Variants in SEMA3D observed in about 807,000 individuals in gnomAD.
The protein encoded by SEMA3D is semaphorin-3D.
A neutral mutation model predicts 100.1 loss-of-function variants in SEMA3D; 84 were observed. The observed-to-expected ratio is 0.84, with a 90% CI of 0.70 to 1.01. The LOEUF is 1.01. Ranked by LOEUF, SEMA3D falls within the 50% of genes least tolerant of loss-of-function variation. SEMA3D has a pLI of 0.00. For synonymous variants in SEMA3D, 312 were observed against 320.7 expected (o/e 0.97, Z 0.29); for missense variants, 875 against 934.1 (o/e 0.94, Z 0.82).
chr7:85,174,551 T>C (rs968119504), intron 1 of SEMA3D, among the ~76,000 whole-genome samples: 1 of 152,152 alleles, frequency 6.6e-6, no homozygotes, highest in Non-Finnish European at 1.5e-5. Context: ...GACTTGGCAA[T>C]ATGCTATAAG....
At chr7:85,125,892 G>A (rs1424865061) in intron 2 of SEMA3D, among the ~76,000 whole-genome samples, 1 of 151,858 alleles carries the variant, frequency 6.6e-6, no homozygotes, top group Non-Finnish European at 1.5e-5. Flanking sequence ...TGGATTTAGT[G>A]AAATGCATAG....
chr7:85,042,865 T>TG (rs1448622493), intron 9 of SEMA3D, among the ~76,000 whole-genome samples: 1 of 151,918 alleles, frequency 6.6e-6, no homozygotes, highest in Non-Finnish European at 1.5e-5. Flanking sequence ...GATGAGTAAA[T>TG]GGGGAAAAAA....
At chr7:85,185,826 C>G (rs778880418) in intron 1 of SEMA3D, among the ~76,000 whole-genome samples, 2 of 152,196 alleles carry the variant, frequency 1.3e-5, no homozygotes, top group East Asian at 1.9e-4. Flanking sequence ...ACTCCAGGCT[C>G]GTTGGGCAGA....
chr7:85,212,362 T>C, the SEMA3D span, among the ~76,000 whole-genome samples: 1 of 152,176 alleles, frequency 6.6e-6, no homozygotes. Flanking sequence ...ACATGCCATA[T>C]TTTAGAGTAA....
At chr7:85,223,459 C>CA in the SEMA3D span, among the ~76,000 whole-genome samples, 1 of 151,044 alleles carries the variant, frequency 6.6e-6, no homozygotes, top group South Asian at 2.1e-4. Flanking sequence ...TTTGCTATTG[C>CA]AAAAATATGG....
the SEMA3D span, among the ~76,000 whole-genome samples, chr7:85,225,919 C>T: frequency 6.6e-6 from 1 of 152,122 alleles, no homozygotes; most frequent in East Asian, 1.9e-4. Flanking sequence ...GTTTTACATA[C>T]TATACTTTAC....
chr7:85,070,164 T>C (rs1444882392), intron 6 of SEMA3D, among the ~76,000 whole-genome samples: 1 of 152,222 alleles, frequency 6.6e-6, no homozygotes, highest in African/African-American at 2.4e-5. Context: ...TGGCCATCTG[T>C]CCTCAACTTA....
At chr7:85,245,730 G>A in the SEMA3D span, among the ~76,000 whole-genome samples, 1 of 151,928 alleles carries the variant, frequency 6.6e-6, no homozygotes, top group Non-Finnish European at 1.5e-5. Context: ...GATTAAATGG[G>A]TACAACAAAA....
At chr7:85,034,404 C>T (rs978193032) in intron 12 of SEMA3D, among the ~76,000 whole-genome samples, 7 of 151,862 alleles carry the variant, frequency 4.6e-5, no homozygotes, top group East Asian at 1.9e-4. Context: ...GTCAGGAGTT[C>T]GAGACCAGCC....
chr7:85,010,911 C>T (rs191745338), intron 17 of SEMA3D, among the ~76,000 whole-genome samples: 1 of 151,584 alleles, frequency 6.6e-6, no homozygotes, highest in East Asian at 2.0e-4. Context: ...TGGCTGGGGA[C>T]ACTCCAATAT....
intron 16 of SEMA3D, among the ~76,000 whole-genome samples, chr7:85,013,712 C>G (rs1277260688): frequency 1.3e-5 from 2 of 151,706 alleles, no homozygotes; most frequent in Non-Finnish European, 2.9e-5. Flanking sequence ...CATCTTTTGG[C>G]TCACATGACA....
chr7:85,141,100 G>T, intron 2 of SEMA3D: 1 of 974,698 alleles, frequency 1.0e-6, no homozygotes, highest in Non-Finnish European at 1.2e-6. Context: ...AAAAATTTCA[G>T]AGATGTTTCA....
At chr7:85,030,621 G>A (rs1472432007) in intron 12 of SEMA3D, among the ~76,000 whole-genome samples, 2 of 151,934 alleles carry the variant, frequency 1.3e-5, no homozygotes, top group Non-Finnish European at 2.9e-5. Context: ...TTTTTGATAA[G>A]GGAATGGTTT....
intron 2 of SEMA3D, among the ~76,000 whole-genome samples, chr7:85,136,428 T>C (rs1798025986): frequency 6.6e-6 from 1 of 152,128 alleles, no homozygotes; most frequent in Admixed American, 6.6e-5. Flanking sequence ...AGAACTTTGA[T>C]TTTCCAAATA....
rs904431195 is a variant in SEMA3D at position 84,999,064 on chromosome 7, T to C, written c.*376A>G. On this transcript the variant is annotated 3_prime_UTR_variant, in exon 19 of 19. Coordinates refer to ENST00000284136, the MANE Select transcript of SEMA3D (RefSeq NM_001384900.1). ...TTCATAAGAACATAGCACAACTGCA[T>C]GGTAAATTCCATGCTTAATGGACAT... The C allele has an allele frequency of 1.4e-5, 3 of 214,830 alleles. No homozygotes were observed. The highest frequency in any genetic ancestry group is 2.8e-5 in the Non-Finnish European group (3 of 106,998). The allele number at this position is 214,830 out of a possible 1,614,324, so 13.3% of individuals were successfully genotyped here.
At chr7:85,036,287 T>C (rs1790690543) in intron 12 of SEMA3D, among the ~76,000 whole-genome samples, 1 of 152,124 alleles carries the variant, frequency 6.6e-6, no homozygotes, top group South Asian at 2.1e-4. Flanking sequence ...TTTAAACAAT[T>C]GTATAAACTC....
the SEMA3D span, among the ~76,000 whole-genome samples, chr7:85,192,159 T>C: frequency 6.6e-6 from 1 of 152,080 alleles, no homozygotes. Flanking sequence ...TATAATTAAT[T>C]TTATAATATT....
the SEMA3D span, among the ~76,000 whole-genome samples, chr7:85,248,749 T>C: frequency 6.6e-6 from 1 of 152,028 alleles, no homozygotes; most frequent in Non-Finnish European, 1.5e-5. Flanking sequence ...TGTATGATTC[T>C]AATAAATCAT....
the SEMA3D span, among the ~76,000 whole-genome samples, chr7:85,230,492 C>T: frequency 6.6e-6 from 1 of 152,180 alleles, no homozygotes; most frequent in African/African-American, 2.4e-5. Flanking sequence ...TCCTCACCCT[C>T]ACTAAAACAG....
Sources: gnomAD v4.1 joint callset for allele counts (sites outside exome capture counted in the v4.1 genomes callset) on GRCh38, gnomAD v4.1.1 for gene constraint, MANE v1.5 for transcripts, NCBI Gene and HGNC (gene_info 2026-07-23, HGNC 2026-07-21) for gene names.